RAB3GAP2: variants seen among roughly 807,000 people sequenced by gnomAD.
RAB3GAP2 encodes the protein rab3 GTPase-activating protein non-catalytic subunit.
RAB3GAP2 carries 87 observed loss-of-function variants against 185.3 expected under a neutral mutation model. The observed-to-expected ratio is 0.47, with a 90% CI of 0.39 to 0.56. RAB3GAP2 has a LOEUF of 0.56. Ranked by LOEUF, RAB3GAP2 falls within the 20% of genes least tolerant of loss-of-function variation. RAB3GAP2 has a pLI of 0.00. For synonymous variants in RAB3GAP2, 554 were observed against 576.1 expected, an observed-to-expected ratio of 0.96 and a Z score of 0.55; for missense variants, 1,492 against 1,638.2, an observed-to-expected ratio of 0.91 and a Z score of 1.54.
At chr1:220,235,702 A>G (rs1230548793) in intron 1 of RAB3GAP2, among the ~76,000 whole-genome samples, 3 of 152,186 alleles carry the variant, frequency 2.0e-5, no homozygotes, top group Non-Finnish European at 4.4e-5. Flanking sequence ...TTTCTCCTCC[A>G]TATTGGTATA....
In RAB3GAP2 at chr1:220,191,152, T is replaced by C. The variant is rs1489145933; in HGVS notation, c.1403A>G (p.Tyr468Cys). The C allele has an allele frequency of 6.2e-6, 10 of 1,614,064 alleles. No individual in the cohort carries two copies. Among genetic ancestry groups the C allele is most frequent in the Middle Eastern group, 1.7e-4 (1 of 6,060 alleles). Residue 468 changes from tyrosine to cysteine, a missense_variant, in exon 14 of 35, where the codon TAT becomes TGT. Tyr to Cys is a radical substitution (Grantham distance 194). This residue lies in a region of RAB3GAP2 where 681 missense variants were observed against 689.1 expected (regional missense o/e 0.99). Transcript: ENST00000358951. The stretch of plus-strand genomic sequence containing the variant: ...TTCTAAAATTCCCCTTCTTGGCGCA[T>C]AGATCACAAGGAATTGAGCTACTCG... ...PSRVAQFLVIYAPRRGILEVW... is the reference protein window; with the variant it reads ...PSRVAQFLVICAPRRGILEVW...
chr1:220,192,664 G>A (rs377554548), intron 13 of RAB3GAP2, among the ~76,000 whole-genome samples: 139 of 152,224 alleles, frequency 9.1e-4, no homozygotes, highest in African/African-American at 3.2e-3. Context: ...CTTCCTTCCC[G>A]GAATGCAGAT....
Position 220,272,388 on chromosome 1 carries a change from C to A in RAB3GAP2, c.-51G>T. ...CTCACCTTACCTCACCACGCCCTGC[C>A]CCCTCCACCCCACTGCGGCCGCCAC... On this transcript the variant is annotated 5_prime_UTR_variant, in exon 1 of 35. Transcript: ENST00000358951. 2.2e-6 allele frequency: 3 copies of A among 1,338,624 alleles called. No individual in the cohort carries two copies. Among genetic ancestry groups the A allele is most frequent in the East Asian group, 2.4e-5 (1 of 41,956 alleles). The allele number at this position is 1,338,624 out of a possible 1,614,324, so 82.9% of individuals were successfully genotyped here. A position where few individuals can be genotyped will look rare whatever the true frequency, so the allele number is the denominator to read the frequency against.
chr1:220,206,164 A>G (rs1658962402), intron 7 of RAB3GAP2, among the ~76,000 whole-genome samples, 158 bp from the exon 8 acceptor site: 1 of 152,222 alleles, frequency 6.6e-6, no homozygotes, highest in Non-Finnish European at 1.5e-5. Flanking sequence ...TTAATTTGAG[A>G]GTGCCTTTTT....
At position 220,210,474 on chromosome 1, in the gene RAB3GAP2, G is replaced by C. The variant is rs757044557; in HGVS notation, c.526C>G (p.Leu176Val). 1 of 1,613,636 alleles carries C rather than the reference G, an allele frequency of 6.2e-7. No individual in the cohort carries two copies. The change falls in exon 7 of 35, where the codon CTT (leucine) becomes GTT (valine). Residue 176 changes from leucine to valine, a missense_variant. Physicochemically the swap from Leu to Val is conservative, Grantham distance 32. Around this residue, in one of 5 missense-constraint regions of RAB3GAP2, gnomAD observed 243 missense variants for 314.8 expected, o/e 0.77. Coordinates refer to ENST00000358951, the MANE Select transcript of RAB3GAP2 (RefSeq NM_012414.4). ...RFYTENGVLLLAQLLNEDPVL... is the reference protein window; with the variant it reads ...RFYTENGVLLVAQLLNEDPVL... ...GGGTCCTCATTCAAAAGCTGTGCAA[G>C]CAAGAGCACACCATTCTAGGAGGAA... is the stretch of plus-strand genomic sequence containing the variant.
In RAB3GAP2 at chr1:220,188,034, C is replaced by G. The variant is rs192102102; in HGVS notation, c.1779+1669G>C. Among the ~76,000 whole-genome samples the G allele has an allele frequency of 6.3e-4, 95 of 149,764 alleles. 1 individual carries two copies. Among genetic ancestry groups the G allele is most frequent in the Non-Finnish European group, 1.0e-3 (71 of 67,764 alleles). On this transcript the variant is annotated intron_variant, in intron 17 of 34. Coordinates refer to ENST00000358951, the MANE Select transcript of RAB3GAP2 (RefSeq NM_012414.4). ...ATCTCCAGGTAGATGGTGTCAGAAT[C>G]GAACTGAATTAGAGAATAACCAGCT... is the stretch of plus-strand genomic sequence containing the variant.
intron 23 of RAB3GAP2, 132 bp from the exon 24 acceptor site, chr1:220,171,252 A>C (rs1422485593): frequency 1.2e-6 from 1 of 822,232 alleles, no homozygotes; most frequent in Non-Finnish European, 2.1e-6. Flanking sequence ...TATTTCACAA[A>C]TATTACTACT....
rs1571875688 is a variant in RAB3GAP2, at chr1:220,160,866, G to A, written c.3225+1332C>T. ...CAAACTGTGAGCTCTTTGAGGGCCA[G>A]GACCATAACTTCCATTGGTTCAACC... On this transcript the variant is annotated intron_variant, in intron 28 of 34. Coordinates refer to ENST00000358951, the MANE Select transcript of RAB3GAP2 (RefSeq NM_012414.4). 2.6e-5 allele frequency among the ~76,000 whole-genome samples: 4 copies of A among 152,240 alleles called. No homozygotes were observed. In the East Asian group the frequency reaches 7.7e-4, roughly 29 times the overall value.
At chr1:220,190,218 C>CT in intron 15 of RAB3GAP2, 72 bp from the exon 16 acceptor site, 22 of 1,507,272 alleles carry the variant, frequency 1.5e-5, no homozygotes, top group African/African-American at 2.8e-5. Flanking sequence ...CACACTCCAA[C>CT]TTTTTTTTCC....
At chr1:220,216,572 C>T (rs1659205467) in intron 2 of RAB3GAP2, among the ~76,000 whole-genome samples, 1 of 152,092 alleles carries the variant, frequency 6.6e-6, no homozygotes, top group African/African-American at 2.4e-5. Flanking sequence ...GATTAGAGAT[C>T]CACTTTCAGG....
intron 1 of RAB3GAP2, among the ~76,000 whole-genome samples, chr1:220,248,613 G>GTTT (rs1558169952): frequency 9.8e-5 from 14 of 143,538 alleles, no homozygotes; most frequent in African/African-American, 3.8e-4. Flanking sequence ...AATTTGGTTT[G>GTTT]GTTTTTTTTT....
At chr1:220,199,084 A>AC (rs1658791191) in intron 9 of RAB3GAP2, among the ~76,000 whole-genome samples, 1 of 152,174 alleles carries the variant, frequency 6.6e-6, no homozygotes, top group East Asian at 1.9e-4. Context: ...CCTACAGGAG[A>AC]CAGTGTCAGA....
Position 220,149,830 on chromosome 1 carries a change from G to A in RAB3GAP2, c.*1421C>T, listed in dbSNP as rs1657712547. On this transcript the variant is annotated 3_prime_UTR_variant, in exon 35 of 35. Coordinates refer to ENST00000358951, the MANE Select transcript of RAB3GAP2 (RefSeq NM_012414.4). ...GCCAGTTAAATTCTTGTTTGGATGT[G>A]CTCTTTTAGCTCAAAAAACAGATTT... 1 of 152,170 alleles carries A rather than the reference G, an allele frequency of 6.6e-6. No individual in the cohort carries two copies. Among genetic ancestry groups the A allele is most frequent in the Non-Finnish European group, 1.5e-5 (1 of 68,036 alleles). The allele number at this position is 152,170 out of a possible 1,614,324, so 9.4% of individuals were successfully genotyped here. A position where few individuals can be genotyped will look rare whatever the true frequency, so the allele number is the denominator to read the frequency against.
Position 220,153,146 on chromosome 1 carries a change from T to C in RAB3GAP2, c.3867+39A>G, listed in dbSNP as rs201231700. 8 of 1,471,050 alleles carry C rather than the reference T, an allele frequency of 5.4e-6. No homozygotes were observed. The Admixed American group carries it at 8.4e-5, about 15-fold the overall frequency. The allele number at this position is 1,471,050 out of a possible 1,614,324, so 91.1% of individuals were successfully genotyped here. ...TTCTTTATTCCAACTATCAATTTTA[T>C]AACTTGAGCCCAATTAACATTCAAA... On this transcript the variant is annotated intron_variant, in intron 33 of 34. Coordinates refer to ENST00000358951, the MANE Select transcript of RAB3GAP2 (RefSeq NM_012414.4).
At chr1:220,260,943 TTAAATG>T (rs1288726269) in intron 1 of RAB3GAP2, among the ~76,000 whole-genome samples, 1 of 152,146 alleles carries the variant, frequency 6.6e-6, no homozygotes, top group Non-Finnish European at 1.5e-5. Context: ...TGATTTAAAC[TTAAATG>T]TAAATAGCCA....
chr1:220,169,876 T>G (rs1324224936), intron 24 of RAB3GAP2, among the ~76,000 whole-genome samples: 2 of 152,214 alleles, frequency 1.3e-5, no homozygotes, highest in African/African-American at 4.8e-5. Context: ...ATGCTAATAT[T>G]TTATGAAAAT....
At chr1:220,176,655 T>C (rs187737607) in intron 21 of RAB3GAP2, among the ~76,000 whole-genome samples, 122 of 152,148 alleles carry the variant, frequency 8.0e-4, no homozygotes, top group African/African-American at 2.9e-3. Flanking sequence ...CAGCTCAGAG[T>C]TGCTTGCATA....
chr1:220,239,527 G>A lies in RAB3GAP2; in HGVS notation c.116-6664C>T, dbSNP rs567129302. Among the ~76,000 whole-genome samples the A allele has an allele frequency of 1.2e-4, 19 of 152,062 alleles. No homozygotes were observed. The South Asian group carries it at 2.7e-3, about 22-fold the overall frequency. ...ATTACAGACATGAGCCACTGCACCC[G>A]GCCTTCAAATAACTTTTGTATGTAA... is the stretch of plus-strand genomic sequence containing the variant. On this transcript the variant is annotated intron_variant, in intron 1 of 34. Coordinates refer to ENST00000358951, the MANE Select transcript of RAB3GAP2 (RefSeq NM_012414.4).
chr1:220,191,487 T>C (rs992558614), intron 13 of RAB3GAP2, among the ~76,000 whole-genome samples: 3 of 152,166 alleles, frequency 2.0e-5, no homozygotes, highest in Non-Finnish European at 4.4e-5. Flanking sequence ...AATCTTACTA[T>C]TTTGCTATAT....
Sources: gnomAD v4.1 joint callset for allele counts (sites outside exome capture counted in the v4.1 genomes callset) on GRCh38, gnomAD v4.1.1 for gene constraint, gnomAD v4.1.1 regional missense constraint, MANE v1.5 for transcripts, NCBI Gene and HGNC (gene_info 2026-07-23, HGNC 2026-07-21) for gene names.